SCRG1: variants seen among roughly 807,000 people sequenced by gnomAD.
The protein encoded by SCRG1 is scrapie-responsive protein 1.
SCRG1 carries 3 observed loss-of-function variants against 7.7 expected under a neutral mutation model. The observed-to-expected ratio is 0.39, with a 90% CI of 0.18 to 1.01. The LOEUF (loss-of-function observed/expected upper bound fraction) is 1.01, where lower values mean the gene tolerates loss of function less well. Ranked by LOEUF, SCRG1 falls within the 50% of genes least tolerant of loss-of-function variation. SCRG1 has a pLI of 0.36. For missense variants in SCRG1, 110 were observed against 117.2 expected, an observed-to-expected ratio of 0.94 and a Z score of 0.28; for synonymous variants, 46 against 41.2, an observed-to-expected ratio of 1.12 and a Z score of -0.44.
chr4:173,440,086 TTCTC>T, the SCRG1 span, among the ~76,000 whole-genome samples: 1 of 152,196 alleles, frequency 6.6e-6, no homozygotes, highest in Non-Finnish European at 1.5e-5. Flanking sequence ...CAAACTCAGT[TTCTC>T]TCTATTTTCA....
chr4:173,503,379 C>A, the SCRG1 span, among the ~76,000 whole-genome samples: 1 of 152,102 alleles, frequency 6.6e-6, no homozygotes, highest in African/African-American at 2.4e-5. The surrounding 1 kb of genome is among the most constrained non-coding windows in gnomAD (Gnocchi z 6.4). Flanking sequence ...AAGGTTCAGA[C>A]CTTGTCCACC....
At chr4:173,389,272 C>T (rs1157635264) in intron 2 of SCRG1, among the ~76,000 whole-genome samples, 7 of 152,140 alleles carry the variant, frequency 4.6e-5, no homozygotes, top group Non-Finnish European at 7.4e-5. Context: ...CAGTGGTTCA[C>T]GCCTGTAATC....
chr4:173,408,622 A>C (rs1309115760), upstream of SCRG1, among the ~76,000 whole-genome samples: 1 of 152,200 alleles, frequency 6.6e-6, no homozygotes, highest in East Asian at 1.9e-4. Flanking sequence ...GTATCTGAGA[A>C]TGAAGGGTTT....
chr4:173,478,726 T>C, the SCRG1 span, among the ~76,000 whole-genome samples: 1 of 152,166 alleles, frequency 6.6e-6, no homozygotes, highest in Non-Finnish European at 1.5e-5. Flanking sequence ...GTGCGAGCCA[T>C]GTTGTACATT....
the SCRG1 span, among the ~76,000 whole-genome samples, chr4:173,489,814 A>G: frequency 2.0e-5 from 3 of 152,202 alleles, no homozygotes; most frequent in Admixed American, 1.3e-4. Flanking sequence ...ATGCAAAACC[A>G]CATTTATTTG....
At chr4:173,394,593 G>A (rs565922380) in intron 1 of SCRG1, among the ~76,000 whole-genome samples, 28 of 152,152 alleles carry the variant, frequency 1.8e-4, no homozygotes, top group African/African-American at 5.1e-4. Flanking sequence ...GTAGTGAGCC[G>A]AGATCTGTGC....
the SCRG1 span, among the ~76,000 whole-genome samples, chr4:173,492,531 T>G: frequency 6.6e-6 from 1 of 152,298 alleles, no homozygotes; most frequent in Non-Finnish European, 1.5e-5. Flanking sequence ...CAGTCACGGT[T>G]CAATACAGGA....
At chr4:173,470,061 T>C in the SCRG1 span, 2 of 151,324 alleles carry the variant, frequency 1.3e-5, no homozygotes, top group South Asian at 2.1e-4. Flanking sequence ...GGACACGAGA[T>C]AGAGTTCATA....
At chr4:173,438,584 T>C in the SCRG1 span, among the ~76,000 whole-genome samples, 14 of 152,176 alleles carry the variant, frequency 9.2e-5, no homozygotes, top group Admixed American at 2.0e-4. Flanking sequence ...AATCAATGAC[T>C]AATATATTAA....
chr4:173,415,375 G>A, the SCRG1 span, among the ~76,000 whole-genome samples: 2 of 152,084 alleles, frequency 1.3e-5, no homozygotes, highest in African/African-American at 2.4e-5. Flanking sequence ...TATTTCTTGC[G>A]GACCAGTGAA....
rs1739226880 is a variant in SCRG1, at chr4:173,385,711, T to C, written c.*2630A>G. 6.6e-6 allele frequency: 1 copy of C among 152,162 alleles called. No homozygotes were observed. The highest frequency in any genetic ancestry group is 1.5e-5 in the Non-Finnish European group (1 of 68,030). The allele number at this position is 152,162 out of a possible 1,614,324, so 9.4% of individuals were successfully genotyped here. On this transcript the variant is annotated 3_prime_UTR_variant, in exon 3 of 3. Coordinates refer to ENST00000296506, the MANE Select transcript of SCRG1 (RefSeq NM_007281.4). ...AAATATTTAGCTTTGTTAGATACAATTTTTCTTACCAGGCTTTGATTGCAG... is the reference window on the plus strand; with the variant it reads ...AAATATTTAGCTTTGTTAGATACAACTTTTCTTACCAGGCTTTGATTGCAG...
At chr4:173,437,265 TAC>T in the SCRG1 span, among the ~76,000 whole-genome samples, 112 of 151,522 alleles carry the variant, frequency 7.4e-4, no homozygotes, top group African/African-American at 2.0e-3. Context: ...AATAGACACA[TAC>T]ACACACACAC....
chr4:173,461,073 C>T, the SCRG1 span, among the ~76,000 whole-genome samples: 2 of 152,158 alleles, frequency 1.3e-5, no homozygotes, highest in African/African-American at 4.8e-5. Context: ...ACCAGGTAGA[C>T]TTCTAAGGTT....
chr4:173,435,003 A>G, the SCRG1 span, among the ~76,000 whole-genome samples: 1 of 152,184 alleles, frequency 6.6e-6, no homozygotes, highest in South Asian at 2.1e-4. Flanking sequence ...GATCCTAGGA[A>G]TTGATATTTT....
chr4:173,426,165 C>T, the SCRG1 span, among the ~76,000 whole-genome samples: 1 of 152,208 alleles, frequency 6.6e-6, no homozygotes, highest in Admixed American at 6.5e-5. Flanking sequence ...ACTTGAAATA[C>T]AAATTTAATT....
At chr4:173,414,850 G>A in the SCRG1 span, among the ~76,000 whole-genome samples, 93 of 152,250 alleles carry the variant, frequency 6.1e-4, 1 homozygote, top group African/African-American at 2.2e-3. Context: ...TCCTCCCTAG[G>A]GTGTGAATAG....
the SCRG1 span, among the ~76,000 whole-genome samples, chr4:173,485,032 T>TAA: frequency 1.0e-4 from 3 of 28,824 alleles, 1 homozygote; most frequent in African/African-American, 4.4e-4. Context: ...TAATATATTA[T>TAA]ATATTATATA....
the SCRG1 span, among the ~76,000 whole-genome samples, chr4:173,457,631 T>G: frequency 6.6e-6 from 1 of 152,208 alleles, no homozygotes; most frequent in East Asian, 1.9e-4. Flanking sequence ...GCCTTGAAAC[T>G]GGTGACTAGA....
the SCRG1 span, among the ~76,000 whole-genome samples, chr4:173,483,535 A>C: frequency 2.4e-3 from 118 of 50,072 alleles, 9 homozygotes; most frequent in Middle Eastern, 0.023. Context: ...ATATTGTATT[A>C]TGATATATAA....
Sources: allele counts gnomAD v4.1 joint callset (sites outside exome capture counted in the v4.1 genomes callset), GRCh38; gene constraint gnomAD v4.1.1; non-coding constraint Gnocchi (gnomAD v3.1); transcripts MANE v1.5; gene names NCBI Gene and HGNC (gene_info 2026-07-23, HGNC 2026-07-21).